Variants in KIF24 observed in about 807,000 individuals in gnomAD.
The protein encoded by KIF24 is kinesin-like protein KIF24.
In KIF24, 81 loss-of-function variants were observed where a neutral mutation model predicts 118.9. That is an observed-to-expected ratio of 0.68 (90% CI 0.57 to 0.82). The LOEUF (loss-of-function observed/expected upper bound fraction) is 0.82. Ranked by LOEUF, KIF24 falls within the 40% of genes least tolerant of loss-of-function variation. KIF24 has a pLI of 0.00. For missense variants in KIF24, 1,560 were observed against 1,661.6 expected (o/e 0.94, Z 1.06); for synonymous variants, 599 against 610.0 (o/e 0.98, Z 0.27).
chr9:34,322,735 T>G (rs1339859844), intron 1 of KIF24, among the ~76,000 whole-genome samples: 2 of 152,130 alleles, frequency 1.3e-5, no homozygotes, highest in Non-Finnish European at 2.9e-5. Context: ...ATGCCTTTAG[T>G]CACAGCTACT....
chr9:34,329,226 A>C lies in KIF24; in HGVS notation c.-146T>G, dbSNP rs1478757034. Among the ~76,000 whole-genome samples the C allele has an allele frequency of 1.3e-5, 2 of 152,240 alleles. No individual in the cohort carries two copies. Among genetic ancestry groups the C allele is most frequent in the Admixed American group, 6.5e-5 (1 of 15,286 alleles). ...AACCCGGGAGCCACCGGCGGCGGCCAGGCCGCATCTCCATGGCAACGCCGC... is the reference window on the plus strand; with the variant it reads ...AACCCGGGAGCCACCGGCGGCGGCCCGGCCGCATCTCCATGGCAACGCCGC... On this transcript the variant is annotated 5_prime_UTR_variant, in exon 1 of 13. Transcript: ENST00000402558.
rs1469690632 is a variant in KIF24 at position 34,272,045 on chromosome 9, G to GT, written c.1216-116dup. ...CATATAATTGTGTCAGTGCACTGCA[G>GT]TTTTTTCTGTCCAGGTGGAAAACTG... On this transcript the variant is annotated intron_variant, in intron 6 of 12. Transcript: ENST00000402558. 1.7e-5 allele frequency: 15 copies of GT among 862,310 alleles called. No individual in the cohort carries two copies. The Admixed American group carries it at 4.1e-4, about 23-fold the overall frequency. The allele number at this position is 862,310 out of a possible 1,614,324, so 53.4% of individuals were successfully genotyped here.
rs778142590 is a variant in KIF24 at position 34,301,997 on chromosome 9, C to CTTTTT, written c.813+4250_813+4254dup. ...TTTTTCTATATATGTATTTTTTTTTCTTTTTTTTTTTTTTTGAGACAGAGT... is the reference window on the plus strand; with the variant it reads ...TTTTTCTATATATGTATTTTTTTTTCTTTTTTTTTTTTTTTTTTTTGAGACAGAGT... On this transcript the variant is annotated intron_variant, in intron 3 of 12. Coordinates refer to ENST00000402558, the MANE Select transcript of KIF24 (RefSeq NM_194313.4). 2.9e-5 allele frequency among the ~76,000 whole-genome samples: 4 copies of CTTTTT among 137,674 alleles called. 1 individual carries two copies. The highest frequency in any genetic ancestry group is 3.1e-5 in the Non-Finnish European group (2 of 64,414). The allele number at this position is 137,674 out of a possible 152,430, so 90.3% of individuals were successfully genotyped here. A position where few individuals can be genotyped will look rare whatever the true frequency, so the allele number is the denominator to read the frequency against.
chr9:34,268,487 C>A (rs937243797), intron 8 of KIF24, among the ~76,000 whole-genome samples: 11 of 146,586 alleles, frequency 7.5e-5, no homozygotes, highest in African/African-American at 2.7e-4. Context: ...GAATAAATGA[C>A]ATGATGACTA....
At chr9:34,319,864 A>T (rs1255562100) in intron 1 of KIF24, among the ~76,000 whole-genome samples, 1 of 152,150 alleles carries the variant, frequency 6.6e-6, no homozygotes, top group Non-Finnish European at 1.5e-5. Flanking sequence ...CATGATGCTG[A>T]GCCCAGAAAC....
At chr9:34,319,351 A>C (rs967312097) in intron 1 of KIF24, 1 of 872,006 alleles carries the variant, frequency 1.1e-6, no homozygotes, top group Non-Finnish European at 2.0e-6. Flanking sequence ...CATGACCTGC[A>C]GAAACTCCTG....
Position 34,311,235 on chromosome 9 carries a change from T to C in KIF24, c.112A>G (p.Lys38Glu), listed in dbSNP as rs1484643491. The change falls in exon 2 of 13, where the codon AAG becomes GAG. Residue 38 changes from lysine (K) to glutamate (E), a missense_variant. Lys to Glu is a moderately conservative substitution (Grantham distance 56). Transcript: ENST00000402558. ...TGGACTCCTAATTTGGAGTAGTCCT[T>C]CATTGTAATCTTGGCTAATTCATCT... ...KIDELAKITM[K>E]DYSKLGVHDM... 7.4e-6 allele frequency: 12 copies of C among 1,613,122 alleles called. No homozygotes were observed. The highest frequency in any genetic ancestry group is 1.0e-5 in the Non-Finnish European group (12 of 1,179,362).
chr9:34,328,455 C>T (rs1259602190), intron 1 of KIF24, among the ~76,000 whole-genome samples: 2 of 152,086 alleles, frequency 1.3e-5, no homozygotes, highest in African/African-American at 2.4e-5. Context: ...GTTGCAGCAA[C>T]CAATCCAAAA....
chr9:34,283,052 C>CAA (rs33926979), intron 6 of KIF24, among the ~76,000 whole-genome samples: 46 of 68,968 alleles, frequency 6.7e-4, no homozygotes, highest in African/African-American at 1.2e-3. Context: ...AACTCCGTCT[C>CAA]AAAAAAAAAA....
chr9:34,333,426 A>C (rs193101464), upstream of KIF24, among the ~76,000 whole-genome samples: 5 of 152,074 alleles, frequency 3.3e-5, no homozygotes, highest in African/African-American at 1.2e-4. Context: ...CAGGAGTTCA[A>C]GACTAGCTTG....
chr9:34,318,767 A>G lies in KIF24; in HGVS notation c.-25-7396T>C. 1.3e-6 allele frequency: 2 copies of G among 1,520,392 alleles called. No individual in the cohort carries two copies. The highest frequency in any genetic ancestry group is 9.1e-7 in the Non-Finnish European group (1 of 1,104,054). The allele number at this position is 1,520,392 out of a possible 1,614,324, so 94.2% of individuals were successfully genotyped here. A position where few individuals can be genotyped will look rare whatever the true frequency, so the allele number is the denominator to read the frequency against. On this transcript the variant is annotated intron_variant, in intron 1 of 12. Transcript: ENST00000402558. This position sits in a 1 kb window ranked among gnomAD's most constrained non-coding sequence, Gnocchi z 4.9. The stretch of plus-strand genomic sequence containing the variant: ...GCCGCTGCGTTCACTCAGCAACTCC[A>G]CCGCGCGCAACGTGACCTGGAAGCT...
intron 6 of KIF24, among the ~76,000 whole-genome samples, chr9:34,273,011 G>C (rs1835560556): frequency 6.6e-6 from 1 of 152,068 alleles, no homozygotes; most frequent in Admixed American, 6.5e-5. Flanking sequence ...GAACTTATGA[G>C]GCAGGAGGAT....
chr9:34,263,566 T>C (rs1342026913), intron 8 of KIF24, among the ~76,000 whole-genome samples: 2 of 152,022 alleles, frequency 1.3e-5, no homozygotes, highest in African/African-American at 2.4e-5. Context: ...ACAAAATATC[T>C]ATATCCACTT....
chr9:34,264,383 T>C (rs1835205128), intron 8 of KIF24, among the ~76,000 whole-genome samples: 1 of 150,208 alleles, frequency 6.7e-6, no homozygotes, highest in South Asian at 2.1e-4. Flanking sequence ...TGAGCTGAGA[T>C]CATGCCACTG....
At chr9:34,300,414 G>A (rs1836654366) in intron 3 of KIF24, among the ~76,000 whole-genome samples, 1 of 151,552 alleles carries the variant, frequency 6.6e-6, no homozygotes. Context: ...TGTTGCCCAG[G>A]TTGGAGTGCA....
chr9:34,324,130 G>A (rs1026329388), intron 1 of KIF24, among the ~76,000 whole-genome samples: 4 of 152,114 alleles, frequency 2.6e-5, no homozygotes, highest in African/African-American at 9.7e-5. Flanking sequence ...ATTATTAAGT[G>A]GGTTACTTCC....
chr9:34,288,943 A>C (rs1295855596), intron 5 of KIF24, among the ~76,000 whole-genome samples: 2 of 151,550 alleles, frequency 1.3e-5, no homozygotes, highest in Non-Finnish European at 2.9e-5. Flanking sequence ...GGAAGTGGGC[A>C]TTCTGACTGG....
chr9:34,327,292 T>C (rs971478533), intron 1 of KIF24, among the ~76,000 whole-genome samples: 6 of 152,096 alleles, frequency 3.9e-5, no homozygotes, highest in Non-Finnish European at 8.8e-5. Context: ...TCAGGCATCA[T>C]AGAATACTAG....
rs547562878 is a variant in KIF24, at chr9:34,314,271, C to T, written c.-25-2900G>A. Reference sequence around the variant, plus strand: ...CTCCGCCTCCCGAGTTCAAGCAATTCCCATGCCTCAGCCTCCCAAATAGCT... The same window carrying T: ...CTCCGCCTCCCGAGTTCAAGCAATTTCCATGCCTCAGCCTCCCAAATAGCT... On this transcript the variant is annotated intron_variant, in intron 1 of 12. Transcript: ENST00000402558. Among the ~76,000 whole-genome samples the T allele has an allele frequency of 2.6e-5, 4 of 152,234 alleles. 1 individual carries two copies. The highest frequency in any genetic ancestry group is 9.6e-5 in the African/African-American group (4 of 41,552).
Sources: gnomAD v4.1 joint callset for allele counts (sites outside exome capture counted in the v4.1 genomes callset) on GRCh38, gnomAD v4.1.1 for gene constraint, Gnocchi (gnomAD v3.1) non-coding constraint, MANE v1.5 for transcripts, NCBI Gene and HGNC (gene_info 2026-07-23, HGNC 2026-07-21) for gene names.